The following CREB5 variants were observed in gnomAD, a reference collection of about 807,000 sequenced individuals.
CREB5 encodes cyclic AMP-responsive element-binding protein 5.
A neutral mutation model predicts 57.1 loss-of-function variants in CREB5; 19 were observed. That is an observed-to-expected ratio of 0.33 (90% CI 0.23 to 0.49). The LOEUF is 0.49. CREB5 is among the 20% of genes least tolerant of loss of function. The probability of loss-of-function intolerance (pLI) is 0.99; values close to 1 mark genes in which losing one functional copy is unlikely to be tolerated. For missense variants in CREB5, 579 were observed against 671.6 expected (o/e 0.86, Z 1.52); for synonymous variants, 238 against 238.3 (o/e 1.00, Z 0.01).
chr7:28,560,965 T>TGCGCGTGC (rs1554344532), intron 4 of CREB5, among the ~76,000 whole-genome samples: 2 of 36,378 alleles, frequency 5.5e-5, no homozygotes. Context: ...TGTGTGCGTG[T>TGCGCGTGC]GTGTGTGCGT....
intron 1 of CREB5, among the ~76,000 whole-genome samples, chr7:28,456,835 T>G (rs1583485531): frequency 6.6e-6 from 1 of 152,266 alleles, no homozygotes; most frequent in African/African-American, 2.4e-5. Context: ...CCCTTCTTGT[T>G]TGGCAACAGC....
At chr7:28,496,361 T>C (rs1411997541) in intron 3 of CREB5, among the ~76,000 whole-genome samples, 1 of 152,268 alleles carries the variant, frequency 6.6e-6, no homozygotes. Context: ...AAAAGTGCTT[T>C]ATTATTACAA....
intron 5 of CREB5, among the ~76,000 whole-genome samples, chr7:28,662,082 G>A (rs964338128): frequency 1.3e-5 from 2 of 152,138 alleles, no homozygotes; most frequent in Non-Finnish European, 2.9e-5. Context: ...AGAAAAAAGG[G>A]CTGCTCTTCT....
intron 1 of CREB5, among the ~76,000 whole-genome samples, chr7:28,348,699 C>G (rs1786125376): frequency 6.6e-6 from 1 of 152,076 alleles, no homozygotes; most frequent in Non-Finnish European, 1.5e-5. Flanking sequence ...GACCTTTTTC[C>G]TAAAGGGTTC....
intron 1 of CREB5, among the ~76,000 whole-genome samples, chr7:28,340,253 C>T (rs371211362): frequency 6.6e-6 from 1 of 152,190 alleles, no homozygotes; most frequent in Admixed American, 6.5e-5. Context: ...TGGGTCACAC[C>T]TAAAGCCAGC....
intron 5 of CREB5, among the ~76,000 whole-genome samples, chr7:28,684,497 G>C (rs143755055): frequency 1.3e-5 from 2 of 152,218 alleles, no homozygotes; most frequent in Non-Finnish European, 2.9e-5. Flanking sequence ...TTCACCCTGA[G>C]TACGGCAACA....
intron 7 of CREB5, chr7:28,779,054 A>G (rs1490941686): frequency 6.6e-6 from 1 of 152,208 alleles, no homozygotes; most frequent in Non-Finnish European, 1.5e-5. Context: ...CCATTTTCCA[A>G]ATTGGATGTT....
At chr7:28,504,986 G>T (rs1398265330) in intron 3 of CREB5, among the ~76,000 whole-genome samples, 1 of 152,152 alleles carries the variant, frequency 6.6e-6, no homozygotes, top group Non-Finnish European at 1.5e-5. Flanking sequence ...GCCTTGCTGA[G>T]ACTACTTGTG....
intron 1 of CREB5, among the ~76,000 whole-genome samples, chr7:28,455,700 G>A (rs894981457): frequency 6.6e-6 from 1 of 152,082 alleles, no homozygotes; most frequent in African/African-American, 2.4e-5. Context: ...TTAAAGTAGT[G>A]GGGGGTGGGT....
intron 7 of CREB5, among the ~76,000 whole-genome samples, chr7:28,734,387 T>G (rs189640259): frequency 1.7e-3 from 262 of 152,210 alleles, no homozygotes; most frequent in African/African-American, 5.9e-3. Flanking sequence ...AAGTAATACA[T>G]CAAAATTGGG....
chr7:28,592,919 G>A (rs933462471), intron 5 of CREB5, among the ~76,000 whole-genome samples: 4 of 152,144 alleles, frequency 2.6e-5, no homozygotes, highest in Non-Finnish European at 5.9e-5. Flanking sequence ...AGGAGACTTC[G>A]GCACAGAGAG....
At chr7:28,482,966 T>C (rs1158673210) in intron 1 of CREB5, among the ~76,000 whole-genome samples, 3 of 152,232 alleles carry the variant, frequency 2.0e-5, no homozygotes, top group Non-Finnish European at 4.4e-5. Context: ...AGGAAACTTG[T>C]GCCATCCCAC....
intron 4 of CREB5, among the ~76,000 whole-genome samples, chr7:28,538,527 T>C (rs1232555541): frequency 6.6e-6 from 1 of 152,232 alleles, no homozygotes; most frequent in Non-Finnish European, 1.5e-5. Context: ...TGATCAATTT[T>C]ATTAGTGTTT....
At chr7:28,417,891 C>G (rs1788088750) in intron 1 of CREB5, among the ~76,000 whole-genome samples, 1 of 152,154 alleles carries the variant, frequency 6.6e-6, no homozygotes, top group Non-Finnish European at 1.5e-5. Flanking sequence ...CACAAATGGG[C>G]TCTGTTTTGT....
chr7:28,508,165 T>C (rs1792559481), intron 4 of CREB5, among the ~76,000 whole-genome samples: 1 of 152,228 alleles, frequency 6.6e-6, no homozygotes, highest in Non-Finnish European at 1.5e-5. Flanking sequence ...AATTATTTCC[T>C]GGTCATATTA....
chr7:28,350,896 G>A (rs1786173246), intron 1 of CREB5, among the ~76,000 whole-genome samples: 1 of 152,152 alleles, frequency 6.6e-6, no homozygotes. Context: ...AATCATATGA[G>A]CCAATACATT....
At chr7:28,801,911 C>G (rs533446718) in intron 7 of CREB5, among the ~76,000 whole-genome samples, 1 of 151,232 alleles carries the variant, frequency 6.6e-6, no homozygotes, top group Admixed American at 6.6e-5. Context: ...ATGGTGAAAC[C>G]CTGTCTCTAC....
chr7:28,614,520 TTCAG>T (rs1319426103), intron 5 of CREB5, among the ~76,000 whole-genome samples: 1 of 152,136 alleles, frequency 6.6e-6, no homozygotes, highest in Non-Finnish European at 1.5e-5. Context: ...CTAGTCTGGC[TTCAG>T]TCAGACTGGA....
intron 4 of CREB5, among the ~76,000 whole-genome samples, chr7:28,517,971 A>G (rs1418169837): frequency 6.6e-6 from 1 of 152,156 alleles, no homozygotes; most frequent in East Asian, 1.9e-4. Context: ...GACATTTTGT[A>G]AGACAACATT....
Sources: gnomAD v4.1 joint callset for allele counts (sites outside exome capture counted in the v4.1 genomes callset) on GRCh38, gnomAD v4.1.1 for gene constraint, MANE v1.5 for transcripts, NCBI Gene and HGNC (gene_info 2026-07-23, HGNC 2026-07-21) for gene names.